Variants in CELSR1 observed in about 807,000 individuals in gnomAD.
CELSR1 encodes the protein cadherin EGF LAG seven-pass G-type receptor 1, also known as adhesion G protein-coupled receptor C1.
Under a neutral mutation model 249.1 loss-of-function variants are expected in CELSR1, and 110 were observed. The observed-to-expected ratio is 0.44, with a 90% CI of 0.38 to 0.52. CELSR1 has a LOEUF of 0.52. Ranked by LOEUF, CELSR1 falls within the 20% of genes least tolerant of loss-of-function variation. CELSR1 has a pLI of 0.00. For synonymous variants in CELSR1, 2,113 were observed against 1,900.0 expected, an observed-to-expected ratio of 1.11 and a Z score of -2.92; for missense variants, 4,109 against 4,296.4, an observed-to-expected ratio of 0.96 and a Z score of 1.22.
chr22:46,460,263 T>G (rs2080009584), intron 2 of CELSR1, among the ~76,000 whole-genome samples: 1 of 152,040 alleles, frequency 6.6e-6, no homozygotes, highest in South Asian at 2.1e-4. Context: ...GACATGGAAG[T>G]GTGTGAACCA....
intron 2 of CELSR1, among the ~76,000 whole-genome samples, chr22:46,442,888 A>C (rs1400268191): frequency 6.6e-6 from 1 of 152,042 alleles, no homozygotes; most frequent in Non-Finnish European, 1.5e-5. Context: ...TCTGGAGATC[A>C]AGACCATCCT....
intron 25 of CELSR1, among the ~76,000 whole-genome samples, chr22:46,372,008 CATCT>C (rs1225096876): frequency 6.6e-6 from 1 of 150,426 alleles, no homozygotes; most frequent in African/African-American, 2.5e-5. Context: ...CCCACTCATC[CATCT>C]ATTCACCCAT....
intron 1 of CELSR1, among the ~76,000 whole-genome samples, chr22:46,513,615 C>T (rs895029696): frequency 1.3e-5 from 2 of 152,098 alleles, no homozygotes; most frequent in African/African-American, 4.8e-5. Context: ...ATCTCGTGCA[C>T]CAGGGATAGG....
rs1028147948 is a variant in CELSR1, at chr22:46,391,448, G to A, written c.6149-161C>T. Among the ~76,000 whole-genome samples, 15 of 151,766 alleles carry A rather than the reference G, an allele frequency of 9.9e-5. No homozygotes were observed. Among genetic ancestry groups the A allele is most frequent in the Non-Finnish European group, 1.9e-4 (13 of 67,964 alleles). Reference sequence around the variant, plus strand: ...CCCCCATCCATGTCAGAGCTGGAGAGGGGTGACCAGGCTCTGACCCACACC... The same window carrying A: ...CCCCCATCCATGTCAGAGCTGGAGAAGGGTGACCAGGCTCTGACCCACACC... On this transcript the variant is annotated intron_variant, in intron 15 of 34. Coordinates refer to ENST00000674500, the MANE Select transcript of CELSR1 (RefSeq NM_001378328.1). This position sits in a 1 kb window ranked among gnomAD's most constrained non-coding sequence, Gnocchi z 4.3.
In CELSR1 at chr22:46,398,669, G is replaced by C; in HGVS notation, c.5413-32C>G. 1 of 1,545,314 alleles carries C rather than the reference G, an allele frequency of 6.5e-7. No individual in the cohort carries two copies. The highest frequency in any genetic ancestry group is 8.8e-7 in the Non-Finnish European group (1 of 1,132,046). On this transcript the variant is annotated intron_variant, in intron 10 of 34. Transcript: ENST00000674500. This position sits in a 1 kb window ranked among gnomAD's most constrained non-coding sequence, Gnocchi z 7.2. ...GGAGAGAGGGGCCGGGGATCTGGGG[G>C]CTGCATCCACCATCCTAGAAACGTC...
At chr22:46,533,169 A>G (rs188461836) in intron 1 of CELSR1, among the ~76,000 whole-genome samples, 73 of 152,308 alleles carry the variant, frequency 4.8e-4, no homozygotes, top group Admixed American at 9.8e-4. Context: ...TGACTCAGGG[A>G]CCCATCTGAC....
Position 46,409,064 on chromosome 22 carries a change from G to A in CELSR1, c.5158C>T (p.Arg1720Trp), listed in dbSNP as rs1250900773. 6.8e-6 allele frequency: 11 copies of A among 1,613,284 alleles called. No individual in the cohort carries two copies. The highest frequency in any genetic ancestry group is 2.2e-5 in the East Asian group (1 of 44,868). Residue 1720 changes from arginine to tryptophan, a missense_variant, in exon 9 of 35, where the codon CGG becomes TGG. By Grantham distance (101) the Arg-to-Trp change is moderately radical. Coordinates refer to ENST00000674500, the MANE Select transcript of CELSR1 (RefSeq NM_001378328.1). This position sits in a 1 kb window ranked among gnomAD's most constrained non-coding sequence, Gnocchi z 9.8. ...AGAACGCTGTCCTCCTTCCGGGTCC[G>A]GAACATGAGCCCCAGGTACCAGGGC... ...SVPWYLGLMFRTRKEDSVLME... is the reference protein window; with the variant it reads ...SVPWYLGLMFWTRKEDSVLME...
chr22:46,473,133 G>A lies in CELSR1; in HGVS notation c.3545-8788C>T, dbSNP rs1300174088. 6.6e-6 allele frequency among the ~76,000 whole-genome samples: 1 copy of A among 152,088 alleles called. No individual in the cohort carries two copies. Among genetic ancestry groups the A allele is most frequent in the African/African-American group, 2.4e-5 (1 of 41,404 alleles). ...TGGGCTCTCGGTGCAGGACGGCGGG[G>A]GTGGCTGAAGGAGAAATGTCCGCAG... is the stretch of plus-strand genomic sequence containing the variant. On this transcript the variant is annotated intron_variant, in intron 1 of 34. Transcript: ENST00000674500. This position sits in a 1 kb window ranked among gnomAD's most constrained non-coding sequence, Gnocchi z 6.6.
intron 2 of CELSR1, among the ~76,000 whole-genome samples, chr22:46,453,298 C>T (rs1051994031): frequency 1.3e-5 from 2 of 152,186 alleles, no homozygotes; most frequent in South Asian, 2.1e-4. Flanking sequence ...GGAATGCTAG[C>T]GAAAACCTCA....
intron 24 of CELSR1, among the ~76,000 whole-genome samples, chr22:46,375,784 A>T (rs1423108103): frequency 6.6e-6 from 1 of 152,100 alleles, no homozygotes; most frequent in Admixed American, 6.5e-5. Flanking sequence ...ACCTCAAGTG[A>T]TCTGCCTGCC....
chr22:46,507,869 G>GC (rs397802957), intron 1 of CELSR1, among the ~76,000 whole-genome samples: 185 of 151,864 alleles, frequency 1.2e-3, no homozygotes, highest in Admixed American at 3.1e-3. Context: ...GGCACTGGGG[G>GC]GCTGCATGGA....
Position 46,389,495 on chromosome 22 carries a change from T to A in CELSR1, c.6350A>T (p.Glu2117Val), listed in dbSNP as rs2079066400. 1.9e-6 allele frequency: 3 copies of A among 1,613,266 alleles called. No individual in the cohort carries two copies. The East Asian group carries it at 6.7e-5, about 36-fold the overall frequency. The change falls in exon 18 of 35, where the codon GAG becomes GTG. Residue 2117 changes from glutamate to valine, a missense_variant. Coordinates refer to ENST00000674500, the MANE Select transcript of CELSR1 (RefSeq NM_001378328.1). ...CTGCGTCTCATTGCGGCTCAGCTTC[T>A]CATTCTGGAACAGGGAGGCAGTCGT... Reference protein sequence around the residue: ...ISFVDLRAMNEKLSRNETQVD... With the variant: ...ISFVDLRAMNVKLSRNETQVD...
At chr22:46,443,499 G>A (rs1000677678) in intron 2 of CELSR1, among the ~76,000 whole-genome samples, 15 of 152,220 alleles carry the variant, frequency 9.9e-5, no homozygotes, top group African/African-American at 1.9e-4. Context: ...ACCACTCCCC[G>A]CTATGGGGGT....
At chr22:46,365,186 C>T (rs578127051) in intron 32 of CELSR1, 45 bp downstream of exon 32, 30 of 1,586,790 alleles carry the variant, frequency 1.9e-5, no homozygotes, top group Admixed American at 1.0e-4. Context: ...GCCCCGAGCC[C>T]GCTGTCCACA....
chr22:46,509,735 T>C (rs1052707951), intron 1 of CELSR1, among the ~76,000 whole-genome samples: 2 of 151,906 alleles, frequency 1.3e-5, no homozygotes, highest in Non-Finnish European at 2.9e-5. Flanking sequence ...CTCCTGAGGA[T>C]GGCTGGCCTC....
At chr22:46,530,338 A>G (rs977331848) in intron 1 of CELSR1, 14 of 148,904 alleles carry the variant, frequency 9.4e-5, no homozygotes, top group Non-Finnish European at 1.3e-4. Flanking sequence ...ATAATTCATT[A>G]TAACATATAT....
intron 1 of CELSR1, among the ~76,000 whole-genome samples, chr22:46,495,810 C>T (rs991743806): frequency 6.6e-6 from 1 of 151,844 alleles, no homozygotes. Flanking sequence ...AGCGAAACTC[C>T]ATCTCAAAAA....
At chr22:46,416,392 T>C (rs117160646) in intron 5 of CELSR1, among the ~76,000 whole-genome samples, 5,225 of 152,110 alleles carry the variant, frequency 0.034, 102 homozygotes, top group Middle Eastern at 0.095. Flanking sequence ...CCCCAACCCC[T>C]GCACCAACAC....
intron 1 of CELSR1, among the ~76,000 whole-genome samples, chr22:46,514,026 C>CATG (rs2080601435): frequency 6.6e-6 from 1 of 152,106 alleles, no homozygotes; most frequent in South Asian, 2.1e-4. Context: ...ATCTCCTGAC[C>CATG]TCATGATCCA....
Sources: gnomAD v4.1 joint callset for allele counts (sites outside exome capture counted in the v4.1 genomes callset) on GRCh38, gnomAD v4.1.1 for gene constraint, Gnocchi (gnomAD v3.1) non-coding constraint, MANE v1.5 for transcripts, NCBI Gene and HGNC (gene_info 2026-07-23, HGNC 2026-07-21) for gene names.